The following RCL1 variants were observed in gnomAD, a reference collection of about 807,000 sequenced individuals.
RCL1 encodes RNA terminal phosphate cyclase like 1, also known as RNA 3'-terminal phosphate cyclase-like protein.
Under a neutral mutation model 42.4 loss-of-function variants are expected in RCL1, and 24 were observed. That is an observed-to-expected ratio of 0.57 (90% confidence interval 0.41 to 0.80). RCL1 has a LOEUF of 0.80. Among genes scored for constraint, RCL1 ranks in the 30% least tolerant of loss-of-function variants. RCL1 has a pLI of 0.00. For missense variants in RCL1, 578 were observed against 467.9 expected, an observed-to-expected ratio of 1.24 and a Z score of -2.17; for synonymous variants, 228 against 177.3, an observed-to-expected ratio of 1.29 and a Z score of -2.27.
intron 6 of RCL1, among the ~76,000 whole-genome samples, chr9:4,844,221 C>T (rs577424433): frequency 1.2e-4 from 19 of 152,218 alleles, no homozygotes; most frequent in South Asian, 2.1e-4. Flanking sequence ...TGGTTGCATA[C>T]GGATTGTACT....
chr9:4,832,842 C>T (rs1394499673), intron 3 of RCL1, among the ~76,000 whole-genome samples: 1 of 150,862 alleles, frequency 6.6e-6, no homozygotes. Flanking sequence ...TAGGGTTCTC[C>T]ATTTGTTTTC....
intron 4 of RCL1, among the ~76,000 whole-genome samples, chr9:4,833,602 G>C (rs1431669986): frequency 6.6e-6 from 1 of 152,174 alleles, no homozygotes; most frequent in Non-Finnish European, 1.5e-5. Context: ...ATGTTCAGGG[G>C]CTCCCAACCT....
intron 7 of RCL1, 56 bp from the exon 8 acceptor site, chr9:4,849,391 C>G: frequency 1.5e-6 from 2 of 1,356,736 alleles, no homozygotes; most frequent in Non-Finnish European, 2.1e-6. Flanking sequence ...TTTTCCTCCT[C>G]TCTTTTGTTG....
intron 5 of RCL1, among the ~76,000 whole-genome samples, chr9:4,834,885 C>A (rs867014792): frequency 6.6e-6 from 1 of 152,290 alleles, no homozygotes; most frequent in Middle Eastern, 3.4e-3. Flanking sequence ...TAAGGAATTT[C>A]TTAATAATGT....
chr9:4,821,663 G>C (rs1329254362), intron 1 of RCL1, among the ~76,000 whole-genome samples: 1 of 151,990 alleles, frequency 6.6e-6, no homozygotes, highest in Admixed American at 6.5e-5. Context: ...TTTCCCCCCA[G>C]AGATGGGCAT....
chr9:4,816,372 G>A (rs898190138), intron 1 of RCL1, among the ~76,000 whole-genome samples: 5 of 152,218 alleles, frequency 3.3e-5, no homozygotes, highest in Admixed American at 6.5e-5. Context: ...TTACCATGAA[G>A]ATACATTCTC....
At chr9:4,811,427 C>T (rs898250527) in intron 1 of RCL1, among the ~76,000 whole-genome samples, 1 of 152,132 alleles carries the variant, frequency 6.6e-6, no homozygotes, top group African/African-American at 2.4e-5. Flanking sequence ...CCTTCCTTCT[C>T]CCCTCCCTTT....
chr9:4,826,710 G>T (rs1160140882), intron 2 of RCL1, 148 bp from the exon 3 acceptor site: 1 of 678,288 alleles, frequency 1.5e-6, no homozygotes, highest in Non-Finnish European at 2.6e-6. Context: ...AGCTTTTGGA[G>T]CGAAGTGTGG....
intron 1 of RCL1, among the ~76,000 whole-genome samples, chr9:4,809,596 C>G (rs112184807): frequency 1.3e-5 from 2 of 152,216 alleles, no homozygotes; most frequent in Non-Finnish European, 2.9e-5. Context: ...GCGTGAGCCA[C>G]TGCACCCGGC....
At chr9:4,841,571 G>T (rs1225222472) in intron 6 of RCL1, among the ~76,000 whole-genome samples, 2 of 152,224 alleles carry the variant, frequency 1.3e-5, no homozygotes, top group African/African-American at 4.8e-5. Flanking sequence ...GAAGCTAAGG[G>T]TCTGGTTCCT....
intron 1 of RCL1, among the ~76,000 whole-genome samples, chr9:4,803,041 T>TCA (rs1467541434): frequency 6.6e-6 from 1 of 151,716 alleles, no homozygotes; most frequent in East Asian, 1.9e-4. Context: ...GAGTTAGGGT[T>TCA]CACTGTTTTG....
Position 4,793,022 on chromosome 9 carries a change from A to T in RCL1, c.-70A>T, listed in dbSNP as rs1842853583. ...GTGTCGCCGCCACCACCACCATCGG[A>T]GTCACGAGTCCCGCGTCTGTCCGAA... On this transcript the variant is annotated 5_prime_UTR_variant, in exon 1 of 9. Transcript: ENST00000381750. 4 of 1,527,314 alleles carry T rather than the reference A, an allele frequency of 2.6e-6. No homozygotes were observed. The highest frequency in any genetic ancestry group is 1.4e-5 in the African/African-American group (1 of 71,396). The allele number at this position is 1,527,314 out of a possible 1,614,324, so 94.6% of individuals were successfully genotyped here.
chr9:4,800,171 C>G (rs1211993051), intron 1 of RCL1, among the ~76,000 whole-genome samples: 1 of 151,556 alleles, frequency 6.6e-6, no homozygotes, highest in African/African-American at 2.4e-5. Context: ...TTTTGGCTAT[C>G]TCGAATAAGG....
intron 1 of RCL1, among the ~76,000 whole-genome samples, chr9:4,817,361 G>A (rs1242017716): frequency 6.6e-6 from 1 of 150,656 alleles, no homozygotes; most frequent in African/African-American, 2.4e-5. Context: ...TTAATTATAT[G>A]TTTTTTATTT....
Position 4,859,497 on chromosome 9 carries a change from A to G in RCL1, c.972-628A>G, listed in dbSNP as rs549381882. Reference sequence around the variant, plus strand: ...GTGCAATATTCCCAGCACCAAGAACAGTGCCTAGCATACAGTAGGCACTTG... The same window carrying G: ...GTGCAATATTCCCAGCACCAAGAACGGTGCCTAGCATACAGTAGGCACTTG... On this transcript the variant is annotated intron_variant, in intron 8 of 8. Transcript: ENST00000381750. Among the ~76,000 whole-genome samples, 10 of 152,246 alleles carry G rather than the reference A, an allele frequency of 6.6e-5. No homozygotes were observed. The South Asian group carries it at 8.3e-4, about 13-fold the overall frequency.
At chr9:4,835,074 T>C (rs1216350149) in intron 5 of RCL1, among the ~76,000 whole-genome samples, 2 of 152,176 alleles carry the variant, frequency 1.3e-5, no homozygotes, top group Non-Finnish European at 2.9e-5. Context: ...GAGGTGGCAG[T>C]GCACAGTGGT....
At chr9:4,810,134 C>T (rs1171679462) in intron 1 of RCL1, among the ~76,000 whole-genome samples, 3 of 152,082 alleles carry the variant, frequency 2.0e-5, no homozygotes, top group South Asian at 2.1e-4. Flanking sequence ...TGCCAGTTTT[C>T]GTATTTTTAA....
At position 4,822,218 on chromosome 9, in the gene RCL1, C is replaced by T. The variant is rs553766958; in HGVS notation, c.137-1330C>T. On this transcript the variant is annotated intron_variant, in intron 1 of 8. Transcript: ENST00000381750. ...GGGAATTGCTTAGTTGATCCACTCA[C>T]CCTTTGGGATCAGTTTAGGTGACTA... Among the ~76,000 whole-genome samples the T allele has an allele frequency of 5.7e-4, 87 of 152,318 alleles. No homozygotes were observed. The South Asian group carries it at 9.9e-3, about 17-fold the overall frequency.
chr9:4,793,414 C>G (rs1360124076), intron 1 of RCL1, among the ~76,000 whole-genome samples, 187 bp downstream of exon 1: 1 of 152,016 alleles, frequency 6.6e-6, no homozygotes, highest in Non-Finnish European at 1.5e-5. Context: ...GGTCGGGGCC[C>G]GAGGGGAGCG....
Sources: gnomAD v4.1 joint callset for allele counts (sites outside exome capture counted in the v4.1 genomes callset) on GRCh38, gnomAD v4.1.1 for gene constraint, MANE v1.5 for transcripts, NCBI Gene and HGNC (gene_info 2026-07-23, HGNC 2026-07-21) for gene names.